The following HOXB1 variants were observed in gnomAD, a reference collection of about 807,000 sequenced individuals.
HOXB1 encodes homeobox protein Hox-B1.
In HOXB1, 13 loss-of-function variants were observed where a neutral mutation model predicts 26.9. That is an observed-to-expected ratio of 0.48 (90% CI 0.31 to 0.77). The LOEUF (loss-of-function observed/expected upper bound fraction) is 0.77, where lower values mean the gene tolerates loss of function less well. Ranked by LOEUF, HOXB1 falls within the 30% of genes least tolerant of loss-of-function variation. HOXB1 has a pLI of 0.04. For missense variants in HOXB1, 366 were observed against 403.6 expected (o/e 0.91, Z 0.80); for synonymous variants, 168 against 170.8 (o/e 0.98, Z 0.13).
intron 1 of HOXB1, 45 bp from the exon 2 acceptor site, chr17:48,529,920 C>G: frequency 6.8e-7 from 1 of 1,460,800 alleles, no homozygotes; most frequent in Non-Finnish European, 9.2e-7. Flanking sequence ...TCTCTCACCT[C>G]TTTCTCCTTC....
Position 48,530,673 on chromosome 17 carries a change from T to C in HOXB1, c.232A>G (p.Ser78Gly). Residue 78 changes from serine (S) to glycine (G), a missense_variant, in exon 1 of 2, where the codon AGC (serine) becomes GGC (glycine). Transcript: ENST00000239174. The surrounding 1 kb of genome is among the most constrained non-coding windows in gnomAD (Gnocchi z 6.2). ...GGAGCATACCCCGAGGGCGCGGAGC[T>C]GGGGAAGGGCACCCCCAGGGTCGAA... Reference protein sequence around the residue: ...PPSTLGVPFPSSAPSGYAPAA... With the variant: ...PPSTLGVPFPGSAPSGYAPAA... 6.2e-7 allele frequency: 1 copy of C among 1,613,490 alleles called. No individual in the cohort carries two copies. Among genetic ancestry groups the C allele is most frequent in the Non-Finnish European group, 8.5e-7 (1 of 1,179,826 alleles).
Position 48,530,554 on chromosome 17 carries a change from C to T in HOXB1, c.351G>A (p.Gly117=), listed in dbSNP as rs1381537861. Residue 117 remains glycine, a synonymous_variant, in exon 1 of 2, where the codon GGG becomes GGA. Coordinates refer to ENST00000239174, the MANE Select transcript of HOXB1 (RefSeq NM_002144.4). This position sits in a 1 kb window ranked among gnomAD's most constrained non-coding sequence, Gnocchi z 6.2. ...DGGYFHPSSY[G]AQLGGLSDGY... ...CATCGGACAAGCCCCCTAGCTGGGC[C>T]CCGTAGCTCGAGGGATGAAAATAGC... is the stretch of plus-strand genomic sequence containing the variant. 10 of 1,614,116 alleles carry T rather than the reference C, an allele frequency of 6.2e-6. No individual in the cohort carries two copies. Among genetic ancestry groups the T allele is most frequent in the Non-Finnish European group, 8.5e-6 (10 of 1,180,024 alleles).
In HOXB1 at chr17:48,530,038, G is replaced by A; in HGVS notation, c.578-163C>T. The A allele has an allele frequency of 1.5e-6, 1 of 650,690 alleles. No individual in the cohort carries two copies. Among genetic ancestry groups the A allele is most frequent in the Non-Finnish European group, 2.6e-6 (1 of 382,404 alleles). 40.3% of individuals were successfully genotyped at this position (650,690 alleles called of 1,614,324 possible). A position where few individuals can be genotyped will look rare whatever the true frequency, so the allele number is the denominator to read the frequency against. Reference sequence around the variant, plus strand: ...CAGGTACCCCCATGGTGATCACCAAGTCTGGAGCAGCCTTCCCCATACTTC... The same window carrying A: ...CAGGTACCCCCATGGTGATCACCAAATCTGGAGCAGCCTTCCCCATACTTC... On this transcript the variant is annotated intron_variant, in intron 1 of 1. Coordinates refer to ENST00000239174, the MANE Select transcript of HOXB1 (RefSeq NM_002144.4). The surrounding 1 kb of genome is among the most constrained non-coding windows in gnomAD (Gnocchi z 6.2).
Position 48,530,845 on chromosome 17 carries a change from G to T in HOXB1, c.60C>A (p.Ser20Arg), listed in dbSNP as rs537215928. The change falls in exon 1 of 2, where the codon AGC becomes AGA. Residue 20 changes from serine (S) to arginine (R), a missense_variant. Coordinates refer to ENST00000239174, the MANE Select transcript of HOXB1 (RefSeq NM_002144.4). This position sits in a 1 kb window ranked among gnomAD's most constrained non-coding sequence, Gnocchi z 6.2. ...LEYPLCNRGP[S>R]AYSAHSAPTS... ...TTGGGGCGCTGTGGGCGCTGTAGGC[G>T]CTGGGTCCCCGGTTACAGAGTGGGT... The T allele has an allele frequency of 1.2e-5, 19 of 1,565,342 alleles. No individual in the cohort carries two copies. The highest frequency in any genetic ancestry group is 6.1e-5 in the South Asian group (5 of 81,508).
In HOXB1 at chr17:48,530,160, T is replaced by C. The variant is rs190729086; in HGVS notation, c.577+168A>G. 1 of 662,506 alleles carries C rather than the reference T, an allele frequency of 1.5e-6. No individual in the cohort carries two copies. The highest frequency in any genetic ancestry group is 2.7e-5 in the East Asian group (1 of 36,770). 41.0% of individuals were successfully genotyped at this position (662,506 alleles called of 1,614,324 possible). A position where few individuals can be genotyped will look rare whatever the true frequency, so the allele number is the denominator to read the frequency against. ...CTTACTCCTGGGGTGACCGGTTACA[T>C]ACTGGGTGGGGAGACCTCACCTGAC... On this transcript the variant is annotated intron_variant, in intron 1 of 1. Coordinates refer to ENST00000239174, the MANE Select transcript of HOXB1 (RefSeq NM_002144.4). This position sits in a 1 kb window ranked among gnomAD's most constrained non-coding sequence, Gnocchi z 6.2.
Position 48,530,216 on chromosome 17 carries a change from C to G in HOXB1, c.577+112G>C. 3 of 948,652 alleles carry G rather than the reference C, an allele frequency of 3.2e-6. No individual in the cohort carries two copies. Among genetic ancestry groups the G allele is most frequent in the Non-Finnish European group, 4.9e-6 (3 of 613,884 alleles). The allele number at this position is 948,652 out of a possible 1,614,324, so 58.8% of individuals were successfully genotyped here. A position where few individuals can be genotyped will look rare whatever the true frequency, so the allele number is the denominator to read the frequency against. On this transcript the variant is annotated intron_variant, in intron 1 of 1. Coordinates refer to ENST00000239174, the MANE Select transcript of HOXB1 (RefSeq NM_002144.4). The surrounding 1 kb of genome is among the most constrained non-coding windows in gnomAD (Gnocchi z 6.2). ...ACGTAGGTTGTGCTCTTACCTGTGT[C>G]TACCAGAGCCGCTGAAAGAGAAGAA...
Position 48,530,466 on chromosome 17 carries a change from C to T in HOXB1, c.439G>A (p.Glu147Lys), listed in dbSNP as rs748921455. ...YPPQHPPYGNEQTASFAPAYA... is the reference protein window; with the variant it reads ...YPPQHPPYGNKQTASFAPAYA... ...GCCGGTGCAAAGCTCGCGGTCTGCTCGTTCCCATAAGGGGGATGCTGCGGA... is the reference window on the plus strand; with the variant it reads ...GCCGGTGCAAAGCTCGCGGTCTGCTTGTTCCCATAAGGGGGATGCTGCGGA... The change falls in exon 1 of 2, where the codon GAG (glutamate) becomes AAG (lysine). Residue 147 changes from glutamate to lysine, a missense_variant. Glu to Lys is a moderately conservative substitution (Grantham distance 56, BLOSUM62 1). Transcript: ENST00000239174. The surrounding 1 kb of genome is among the most constrained non-coding windows in gnomAD (Gnocchi z 6.2). 8 of 1,614,132 alleles carry T rather than the reference C, an allele frequency of 5.0e-6. No homozygotes were observed. The highest frequency in any genetic ancestry group is 5.1e-6 in the Non-Finnish European group (6 of 1,180,004).
At position 48,530,625 on chromosome 17, in the gene HOXB1, C is replaced by T. The variant is rs780483178; in HGVS notation, c.280G>A (p.Gly94Arg). The T allele has an allele frequency of 6.2e-7, 1 of 1,613,950 alleles. No homozygotes were observed. Among genetic ancestry groups the T allele is most frequent in the South Asian group, 1.1e-5 (1 of 91,082 alleles). The change falls in exon 1 of 2, where the codon GGG (glycine) becomes AGG (arginine). Residue 94 changes from glycine to arginine, a missense_variant. Physicochemically the swap from Gly to Arg is moderately radical, Grantham distance 125. Coordinates refer to ENST00000239174, the MANE Select transcript of HOXB1 (RefSeq NM_002144.4). This position sits in a 1 kb window ranked among gnomAD's most constrained non-coding sequence, Gnocchi z 6.2. ...CCCAGAGGGTAGTACTGAGAAGGCC[C>T]GTAGCTGGGGCTGCAGGCGGCAGGA... is the stretch of plus-strand genomic sequence containing the variant. ...YAPAACSPSYGPSQYYPLGQS... is the reference protein window; with the variant it reads ...YAPAACSPSYRPSQYYPLGQS...
At position 48,529,521 on chromosome 17, in the gene HOXB1, A is replaced by G. The variant is rs1598732512; in HGVS notation, c.*26T>C. The G allele has an allele frequency of 6.7e-7, 1 of 1,492,882 alleles. No homozygotes were observed. Among genetic ancestry groups the G allele is most frequent in the Non-Finnish European group, 9.0e-7 (1 of 1,114,420 alleles). 92.5% of individuals were successfully genotyped at this position (1,492,882 alleles called of 1,614,324 possible). ...TGGACTGGGGCGCTCCAGTGCCTGG[A>G]AGCCCCATTGGTGGCTAGGTTCAGT... On this transcript the variant is annotated 3_prime_UTR_variant, in exon 2 of 2. Coordinates refer to ENST00000239174, the MANE Select transcript of HOXB1 (RefSeq NM_002144.4).
At position 48,530,321 on chromosome 17, in the gene HOXB1, GCCCTA is replaced by G. The variant is rs954971639; in HGVS notation, c.577+2_577+6del. 1 of 1,611,326 alleles carries G rather than the reference GCCCTA, an allele frequency of 6.2e-7. No individual in the cohort carries two copies. Among genetic ancestry groups the G allele is most frequent in the Non-Finnish European group, 8.5e-7 (1 of 1,178,334 alleles). On this transcript the variant is annotated splice_donor_variant and splice_donor_5th_base_variant and intron_variant, in intron 1 of 1. Transcript: ENST00000239174. LOFTEE classifies it high-confidence loss of function. The surrounding 1 kb of genome is among the most constrained non-coding windows in gnomAD (Gnocchi z 6.2). ...CCGGAGAAGGGGTGGCCACATCTGAGCCCTACCTGTCTTGGGTGGGTTTCTCTTAA... is the reference window on the plus strand; with the variant it reads ...CCGGAGAAGGGGTGGCCACATCTGAGCCTGTCTTGGGTGGGTTTCTCTTAA...
rs995348737 is a variant in HOXB1, at chr17:48,529,232, T to G, written c.*315A>C. 7 of 260,536 alleles carry G rather than the reference T, an allele frequency of 2.7e-5. No homozygotes were observed. 16.1% of individuals were successfully genotyped at this position (260,536 alleles called of 1,614,324 possible). On this transcript the variant is annotated 3_prime_UTR_variant, in exon 2 of 2. Coordinates refer to ENST00000239174, the MANE Select transcript of HOXB1 (RefSeq NM_002144.4). ...GGAAAGGAGGATGAATCCAGGAGGA[T>G]GAGGCTGGCCCCCACCCCCACCACA...
At position 48,530,243 on chromosome 17, in the gene HOXB1, C is replaced by T. The variant is rs777617242; in HGVS notation, c.577+85G>A. ...ACCAGAGCCGCTGAAAGAGAAGAAC[C>T]CAGCCCAGACCCAGGACATGTCACT... On this transcript the variant is annotated intron_variant, in intron 1 of 1. Transcript: ENST00000239174. This position sits in a 1 kb window ranked among gnomAD's most constrained non-coding sequence, Gnocchi z 6.2. 1.4e-5 allele frequency: 18 copies of T among 1,253,052 alleles called. No individual in the cohort carries two copies. Among genetic ancestry groups the T allele is most frequent in the East Asian group, 7.5e-5 (3 of 39,864 alleles). The allele number at this position is 1,253,052 out of a possible 1,614,324, so 77.6% of individuals were successfully genotyped here.
Position 48,530,299 on chromosome 17 carries a change from G to A in HOXB1, c.577+29C>T, listed in dbSNP as rs1463364159. On this transcript the variant is annotated intron_variant, in intron 1 of 1. Coordinates refer to ENST00000239174, the MANE Select transcript of HOXB1 (RefSeq NM_002144.4). The surrounding 1 kb of genome is among the most constrained non-coding windows in gnomAD (Gnocchi z 6.2). ...GGAAGCAGAGATGCTTTGGGCCCCGGAGAAGGGGTGGCCACATCTGAGCCC... is the reference window on the plus strand; with the variant it reads ...GGAAGCAGAGATGCTTTGGGCCCCGAAGAAGGGGTGGCCACATCTGAGCCC... 9 of 1,583,172 alleles carry A rather than the reference G, an allele frequency of 5.7e-6. No individual in the cohort carries two copies. The highest frequency in any genetic ancestry group is 4.5e-5 in the East Asian group (2 of 44,508).
At position 48,530,265 on chromosome 17, in the gene HOXB1, C is replaced by T. The variant is rs570054325; in HGVS notation, c.577+63G>A. 2.9e-3 allele frequency: 4,135 copies of T among 1,408,878 alleles called. 85 individuals carry two copies. In the South Asian group the frequency reaches 0.039, roughly 13 times the overall value. The allele number at this position is 1,408,878 out of a possible 1,614,324, so 87.3% of individuals were successfully genotyped here. ...AACCCAGCCCAGACCCAGGACATGT[C>T]ACTGCAGGGGAAGCAGAGATGCTTT... On this transcript the variant is annotated intron_variant, in intron 1 of 1. Transcript: ENST00000239174. The surrounding 1 kb of genome is among the most constrained non-coding windows in gnomAD (Gnocchi z 6.2).
rs1303838648 is a variant in HOXB1, at chr17:48,530,160, T to TA, written c.577+167dup. ...CTTACTCCTGGGGTGACCGGTTACA[T>TA]ACTGGGTGGGGAGACCTCACCTGAC... is the stretch of plus-strand genomic sequence containing the variant. On this transcript the variant is annotated intron_variant, in intron 1 of 1. Coordinates refer to ENST00000239174, the MANE Select transcript of HOXB1 (RefSeq NM_002144.4). This position sits in a 1 kb window ranked among gnomAD's most constrained non-coding sequence, Gnocchi z 6.2. 2 of 662,388 alleles carry TA rather than the reference T, an allele frequency of 3.0e-6. No homozygotes were observed. The highest frequency in any genetic ancestry group is 5.5e-5 in the Admixed American group (2 of 36,328). The allele number at this position is 662,388 out of a possible 1,614,324, so 41.0% of individuals were successfully genotyped here. A position where few individuals can be genotyped will look rare whatever the true frequency, so the allele number is the denominator to read the frequency against.
Position 48,530,557 on chromosome 17 carries a change from G to A in HOXB1, c.348C>T (p.Tyr116=). Residue 116 remains tyrosine, a synonymous_variant, in exon 1 of 2, where the codon TAC becomes TAT. Coordinates refer to ENST00000239174, the MANE Select transcript of HOXB1 (RefSeq NM_002144.4). The surrounding 1 kb of genome is among the most constrained non-coding windows in gnomAD (Gnocchi z 6.2). ...GDGGYFHPSS[Y]GAQLGGLSDG... Reference sequence around the variant, plus strand: ...CGGACAAGCCCCCTAGCTGGGCCCCGTAGCTCGAGGGATGAAAATAGCCTC... The same window carrying A: ...CGGACAAGCCCCCTAGCTGGGCCCCATAGCTCGAGGGATGAAAATAGCCTC... 3 of 1,614,110 alleles carry A rather than the reference G, an allele frequency of 1.9e-6. No individual in the cohort carries two copies. The highest frequency in any genetic ancestry group is 2.5e-6 in the Non-Finnish European group (3 of 1,180,016).
chr17:48,530,588 CCTT>C lies in HOXB1; in HGVS notation c.314_316del (p.Glu105del). 3 of 1,614,102 alleles carry C rather than the reference CCTT, an allele frequency of 1.9e-6. No individual in the cohort carries two copies. Among genetic ancestry groups the C allele is most frequent in the Non-Finnish European group, 2.5e-6 (3 of 1,180,016 alleles). ...CGAGGGATGAAAATAGCCTCCGTCT[CCTT>C]CTGATTGACCCAGAGGGTAGTACTG... is the stretch of plus-strand genomic sequence containing the variant. On this transcript the variant is annotated inframe_deletion, in exon 1 of 2. Transcript: ENST00000239174. The surrounding 1 kb of genome is among the most constrained non-coding windows in gnomAD (Gnocchi z 6.2).
Position 48,530,183 on chromosome 17 carries a change from G to T in HOXB1, c.577+145C>A. Reference sequence around the variant, plus strand: ...CATACTGGGTGGGGAGACCTCACCTGACCTGAGACGTAGGTTGTGCTCTTA... The same window carrying T: ...CATACTGGGTGGGGAGACCTCACCTTACCTGAGACGTAGGTTGTGCTCTTA... On this transcript the variant is annotated intron_variant, in intron 1 of 1. Transcript: ENST00000239174. The surrounding 1 kb of genome is among the most constrained non-coding windows in gnomAD (Gnocchi z 6.2). The T allele has an allele frequency of 1.4e-6, 1 of 736,146 alleles. No individual in the cohort carries two copies. The highest frequency in any genetic ancestry group is 1.8e-5 in the South Asian group (1 of 55,872). The allele number at this position is 736,146 out of a possible 1,614,324, so 45.6% of individuals were successfully genotyped here.
In HOXB1 at chr17:48,529,883, C is replaced by T. The variant is rs770622057; in HGVS notation, c.578-8G>A. ...CTGGCTCTGACACCTTCGCTAGGGGCGGGGCAGGGAGAAAGGCCAGGTCAA... is the reference window on the plus strand; with the variant it reads ...CTGGCTCTGACACCTTCGCTAGGGGTGGGGCAGGGAGAAAGGCCAGGTCAA... On this transcript the variant is annotated splice_region_variant and splice_polypyrimidine_tract_variant and intron_variant, in intron 1 of 1. Transcript: ENST00000239174. 1.8e-5 allele frequency: 28 copies of T among 1,562,092 alleles called. No individual in the cohort carries two copies. In the Admixed American group the frequency reaches 1.9e-4, roughly 11 times the overall value.
Sources: gnomAD v4.1 joint callset for allele counts on GRCh38, gnomAD v4.1.1 for gene constraint, Gnocchi (gnomAD v3.1) non-coding constraint, MANE v1.5 for transcripts, NCBI Gene and HGNC (gene_info 2026-07-23, HGNC 2026-07-21) for gene names.